Variants in MAGI3 observed in about 807,000 individuals in gnomAD.
MAGI3 encodes membrane associated guanylate kinase, WW and PDZ domain containing 3, also known as membrane-associated guanylate kinase, WW and PDZ domain-containing protein 3.
In MAGI3, 43 loss-of-function variants were observed where a neutral mutation model predicts 121.8. The ratio of observed to expected loss-of-function variants is 0.35; its 90% CI spans 0.28 to 0.46. MAGI3 has a LOEUF of 0.46. MAGI3 is among the 20% of genes least tolerant of loss of function. The pLI, the probability that MAGI3 is intolerant of heterozygous loss-of-function variation, is 1.00. For missense variants in MAGI3, 1,547 were observed against 1,797.3 expected (o/e 0.86, Z 2.52); for synonymous variants, 553 against 639.3 (o/e 0.86, Z 2.04).
intron 7 of MAGI3, among the ~76,000 whole-genome samples, chr1:113,617,995 T>C (rs1346812765): frequency 6.6e-6 from 1 of 152,218 alleles, no homozygotes; most frequent in African/African-American, 2.4e-5. Context: ...AACTGATATG[T>C]AGTAGTAGCC....
chr1:113,391,438 G>A lies in MAGI3; in HGVS notation c.316+89G>A, dbSNP rs929172145. ...GGGAGCGGCGGCACCTCCCCACCGC[G>A]TATTGTCCCGGGTAATCTTAGACCT... On this transcript the variant is annotated intron_variant, in intron 1 of 20. Coordinates refer to ENST00000307546, the MANE Select transcript of MAGI3 (RefSeq NM_001142782.2). The surrounding 1 kb of genome is among the most constrained non-coding windows in gnomAD (Gnocchi z 4.4). 1.4e-6 allele frequency: 2 copies of A among 1,384,968 alleles called. No homozygotes were observed. The highest frequency in any genetic ancestry group is 1.4e-5 in the African/African-American group (1 of 69,316). The allele number at this position is 1,384,968 out of a possible 1,614,324, so 85.8% of individuals were successfully genotyped here.
At chr1:113,676,044 C>T (rs967439869) in intron 19 of MAGI3, among the ~76,000 whole-genome samples, 1 of 151,578 alleles carries the variant, frequency 6.6e-6, no homozygotes, top group African/African-American at 2.4e-5. Context: ...TCTTCTCTCT[C>T]TCTCTCTCAT....
At chr1:113,650,520 C>G (rs781090250) in intron 13 of MAGI3, among the ~76,000 whole-genome samples, 4 of 152,092 alleles carry the variant, frequency 2.6e-5, no homozygotes, top group Non-Finnish European at 5.9e-5. Flanking sequence ...ACTCTGTTCC[C>G]GCTGAGATTT....
At chr1:113,576,844 G>A (rs934846086) in intron 2 of MAGI3, 6 of 152,070 alleles carry the variant, frequency 3.9e-5, no homozygotes, top group East Asian at 1.9e-4. Flanking sequence ...TGATATATCC[G>A]GAGCATATGA....
At chr1:113,594,935 A>C (rs1362800416) in intron 6 of MAGI3, among the ~76,000 whole-genome samples, 1 of 152,214 alleles carries the variant, frequency 6.6e-6, no homozygotes, top group African/African-American at 2.4e-5. Flanking sequence ...AAGTATATTT[A>C]ATTTAGTATA....
chr1:113,585,249 T>A, intron 3 of MAGI3, 138 bp from the exon 4 acceptor site: 1 of 729,706 alleles, frequency 1.4e-6, no homozygotes. Flanking sequence ...ATTACAAGTG[T>A]GAGCCACCAT....
At chr1:113,580,750 CT>C in intron 3 of MAGI3, 89 bp downstream of exon 3, 2 of 1,291,092 alleles carry the variant, frequency 1.5e-6, no homozygotes, top group Non-Finnish European at 2.0e-6. Flanking sequence ...TAAAGTACCA[CT>C]TTTTGAAAAA....
intron 1 of MAGI3, among the ~76,000 whole-genome samples, chr1:113,399,210 A>T (rs1027992951): frequency 6.6e-6 from 1 of 152,162 alleles, no homozygotes. Flanking sequence ...TTTGGAGTCT[A>T]ATAACAAATC....
intron 1 of MAGI3, among the ~76,000 whole-genome samples, chr1:113,535,251 CAG>C (rs1658915811): frequency 6.6e-6 from 1 of 151,738 alleles, no homozygotes; most frequent in Non-Finnish European, 1.5e-5. Flanking sequence ...GGGGAAAAAA[CAG>C]AAGCTTTATA....
At chr1:113,429,587 A>T (rs893203884) in intron 1 of MAGI3, among the ~76,000 whole-genome samples, 1 of 152,178 alleles carries the variant, frequency 6.6e-6, no homozygotes. Context: ...GTGAAGTTAC[A>T]TAGTTACACC....
intron 1 of MAGI3, among the ~76,000 whole-genome samples, chr1:113,473,732 T>C (rs1655662817): frequency 6.6e-6 from 1 of 152,202 alleles, no homozygotes; most frequent in African/African-American, 2.4e-5. Flanking sequence ...AACATATGTG[T>C]GCATGTGTCT....
chr1:113,672,668 C>T lies in MAGI3; in HGVS notation c.2972C>T (p.Ser991Phe). 1 of 1,614,006 alleles carries T rather than the reference C, an allele frequency of 6.2e-7. No homozygotes were observed. The highest frequency in any genetic ancestry group is 8.5e-7 in the Non-Finnish European group (1 of 1,179,936). ...GATGTCTCCACTTCTTACAGACATT[C>T]TTGGTCAGACCACAAGCACCTTGCA... ...GKDVSTSYRH[S>F]WSDHKHLAQP... The change falls in exon 18 of 21, where the codon TCT becomes TTT. Residue 991 changes from serine to phenylalanine, a missense_variant. By Grantham distance (155) the Ser-to-Phe change is radical (BLOSUM62 -2). Transcript: ENST00000307546.
intron 1 of MAGI3, among the ~76,000 whole-genome samples, chr1:113,530,336 A>AAT (rs1658647972): frequency 6.6e-6 from 1 of 151,794 alleles, no homozygotes. Context: ...AAAAAAAAAA[A>AAT]AGACAACTTA....
chr1:113,466,282 T>C (rs1041344438), intron 1 of MAGI3, among the ~76,000 whole-genome samples: 1 of 152,120 alleles, frequency 6.6e-6, no homozygotes, highest in African/African-American at 2.4e-5. Flanking sequence ...CTGTTAATTA[T>C]CGCATTTATT....
At chr1:113,643,590 TA>T (rs1159096055) in intron 10 of MAGI3, among the ~76,000 whole-genome samples, 152 bp from the exon 11 acceptor site, 1 of 152,186 alleles carries the variant, frequency 6.6e-6, no homozygotes, top group Admixed American at 6.5e-5. Flanking sequence ...TGAAATGAGA[TA>T]ATATATGTAT....
At chr1:113,460,864 A>T (rs1654998303) in intron 1 of MAGI3, among the ~76,000 whole-genome samples, 1 of 152,112 alleles carries the variant, frequency 6.6e-6, no homozygotes, top group South Asian at 2.1e-4. Context: ...CCTCCAGCTG[A>T]TACACAGCTT....
At chr1:113,571,456 G>A (rs1467944756) in intron 2 of MAGI3, among the ~76,000 whole-genome samples, 1 of 152,186 alleles carries the variant, frequency 6.6e-6, no homozygotes, top group Non-Finnish European at 1.5e-5. Flanking sequence ...GATGGGGATA[G>A]CATTGAATCT....
chr1:113,450,441 A>G (rs1281944563), intron 1 of MAGI3: 3 of 1,123,166 alleles, frequency 2.7e-6, no homozygotes, highest in Non-Finnish European at 4.1e-6. Flanking sequence ...GGTCCTGGTT[A>G]TAGTAGTAGA....
chr1:113,558,528 T>G (rs976005584), intron 2 of MAGI3, among the ~76,000 whole-genome samples: 1 of 151,706 alleles, frequency 6.6e-6, no homozygotes, highest in Admixed American at 6.6e-5. Context: ...TGAAAATGAA[T>G]GAACAAAACC....
Sources: gnomAD v4.1 joint callset for allele counts (sites outside exome capture counted in the v4.1 genomes callset) on GRCh38, gnomAD v4.1.1 for gene constraint, Gnocchi (gnomAD v3.1) non-coding constraint, MANE v1.5 for transcripts, NCBI Gene and HGNC (gene_info 2026-07-23, HGNC 2026-07-21) for gene names.